TMEM74: variants seen among roughly 807,000 people sequenced by gnomAD.
TMEM74 encodes transmembrane protein 74.
TMEM74 carries 13 observed loss-of-function variants against 18.1 expected under a neutral mutation model. The observed-to-expected ratio is 0.72, with a 90% CI of 0.47 to 1.14. The LOEUF is 1.14. Among genes scored for constraint, TMEM74 ranks in the 50% most tolerant of loss-of-function variants. The probability of loss-of-function intolerance (pLI) is 0.00; values close to 1 mark genes in which losing one functional copy is unlikely to be tolerated. For missense variants in TMEM74, 372 were observed against 375.9 expected, an observed-to-expected ratio of 0.99 and a Z score of 0.09; for synonymous variants, 159 against 146.6, an observed-to-expected ratio of 1.08 and a Z score of -0.61.
intron 1 of TMEM74, among the ~76,000 whole-genome samples, chr8:108,760,973 A>AGTGTGTGTGT (rs60213902): frequency 2.0e-4 from 30 of 148,982 alleles, no homozygotes; most frequent in Middle Eastern, 3.5e-3. Flanking sequence ...GTGGTTTTGG[A>AGTGTGTGTGT]GTGTGTGTGT....
intron 2 of TMEM74, among the ~76,000 whole-genome samples, chr8:108,639,968 G>A (rs1364333586): frequency 6.6e-6 from 1 of 151,834 alleles, no homozygotes; most frequent in African/African-American, 2.4e-5. Flanking sequence ...TTATTATCAG[G>A]CAAACATCTT....
rs371779509 is a variant in TMEM74 at position 108,786,226 on chromosome 8, T to A, written c.-39-1089A>T. On this transcript the variant is annotated intron_variant, in intron 1 of 1. Coordinates refer to ENST00000297459, the MANE Select transcript of TMEM74 (RefSeq NM_153015.3). ...AAACATGTCACTCCTCACCCCCGAC[T>A]GCAGCAAGGGGCATTTCTGGGAGAG... 7.2e-5 allele frequency among the ~76,000 whole-genome samples: 11 copies of A among 152,338 alleles called. No homozygotes were observed. The East Asian group carries it at 1.5e-3, about 21-fold the overall frequency.
intron 1 of TMEM74, among the ~76,000 whole-genome samples, chr8:108,691,452 T>C (rs922238178): frequency 6.6e-6 from 1 of 152,190 alleles, no homozygotes; most frequent in African/African-American, 2.4e-5. Context: ...AGCATTCCCA[T>C]AGAGTTGAAA....
At chr8:108,635,353 T>G (rs1812596875) in intron 2 of TMEM74, among the ~76,000 whole-genome samples, 1 of 151,984 alleles carries the variant, frequency 6.6e-6, no homozygotes, top group Admixed American at 6.6e-5. Flanking sequence ...GACTGCTGCC[T>G]CTGGTCTTTT....
intron 2 of TMEM74, among the ~76,000 whole-genome samples, chr8:108,614,337 C>T (rs886853121): frequency 6.6e-6 from 1 of 152,002 alleles, no homozygotes; most frequent in Non-Finnish European, 1.5e-5. Flanking sequence ...CCCTTAGTTC[C>T]AATACCCCTG....
intron 1 of TMEM74, among the ~76,000 whole-genome samples, chr8:108,719,883 A>C (rs1813569042): frequency 6.6e-6 from 1 of 152,174 alleles, no homozygotes; most frequent in African/African-American, 2.4e-5. Flanking sequence ...TTATATGTGT[A>C]AACACTGTTT....
At chr8:108,703,089 C>A (rs1376330043) in intron 1 of TMEM74, among the ~76,000 whole-genome samples, 1 of 152,096 alleles carries the variant, frequency 6.6e-6, no homozygotes, top group Non-Finnish European at 1.5e-5. Context: ...AGGCTTCATT[C>A]CTCATGTACA....
chr8:108,614,438 G>GGGA (rs1812364165), intron 2 of TMEM74, among the ~76,000 whole-genome samples: 1 of 152,068 alleles, frequency 6.6e-6, no homozygotes, highest in Admixed American at 6.5e-5. Flanking sequence ...GAGGCTAAAA[G>GGGA]GGAATAGAAA....
chr8:108,697,439 A>C (rs1211851743), intron 1 of TMEM74, among the ~76,000 whole-genome samples: 1 of 152,144 alleles, frequency 6.6e-6, no homozygotes, highest in Non-Finnish European at 1.5e-5. Flanking sequence ...GTTTTTGGAG[A>C]CAGGGTCTCG....
At chr8:108,617,744 T>C (rs1488719328) in intron 2 of TMEM74, among the ~76,000 whole-genome samples, 6 of 151,938 alleles carry the variant, frequency 3.9e-5, no homozygotes, top group Admixed American at 3.9e-4. Context: ...GGGAATCAAG[T>C]CCTCAGAGAA....
intron 1 of TMEM74, among the ~76,000 whole-genome samples, chr8:108,748,276 A>G (rs1161217290): frequency 5.9e-5 from 9 of 152,172 alleles, no homozygotes; most frequent in Non-Finnish European, 1.3e-4. Flanking sequence ...ATGAGACGGT[A>G]TCTCACTGTG....
At chr8:108,759,641 T>C (rs984547225) in intron 1 of TMEM74, among the ~76,000 whole-genome samples, 3 of 152,118 alleles carry the variant, frequency 2.0e-5, no homozygotes, top group Non-Finnish European at 4.4e-5. Flanking sequence ...TGTACACAGA[T>C]GTGGTCTCAT....
rs530242403 is a variant in TMEM74 at position 108,657,810 on chromosome 8, T to C, written n.120-2373A>G. Among the ~76,000 whole-genome samples, 343 of 127,168 alleles carry C rather than the reference T, an allele frequency of 2.7e-3. 1 individual carries two copies. The highest frequency in any genetic ancestry group is 0.024 in the Middle Eastern group (4 of 168). 83.4% of individuals were successfully genotyped at this position (127,168 alleles called of 152,430 possible). ...GTGAGCTGAGATCGTGCCACTGCAC[T>C]GTAGCCTGGGTGACAGAGTGAGACA... On this transcript the variant is annotated intron_variant and non_coding_transcript_variant, in intron 1 of 3. Coordinates refer to the TMEM74 transcript ENST00000518838.
intron 2 of TMEM74, among the ~76,000 whole-genome samples, chr8:108,619,844 T>G (rs1812421940): frequency 6.6e-6 from 1 of 152,190 alleles, no homozygotes; most frequent in Non-Finnish European, 1.5e-5. Context: ...ATTTCGAAGA[T>G]TCATATAATG....
chr8:108,774,458 G>A (rs562345917), downstream of TMEM74, among the ~76,000 whole-genome samples: 1 of 152,324 alleles, frequency 6.6e-6, no homozygotes, highest in Admixed American at 6.5e-5. Flanking sequence ...CAGGCTGCTG[G>A]AGGATTTATG....
chr8:108,738,122 A>T (rs1284611682), intron 1 of TMEM74, among the ~76,000 whole-genome samples: 1 of 151,990 alleles, frequency 6.6e-6, no homozygotes, highest in Non-Finnish European at 1.5e-5. Flanking sequence ...TCAGCCCACC[A>T]TTCTTTTCAA....
intron 2 of TMEM74, among the ~76,000 whole-genome samples, chr8:108,624,249 G>A (rs1266007072): frequency 6.6e-6 from 1 of 152,104 alleles, no homozygotes; most frequent in African/African-American, 2.4e-5. Context: ...GCTTTAAAGT[G>A]TTAACCTGGC....
chr8:108,724,746 T>C (rs934045072), intron 1 of TMEM74, among the ~76,000 whole-genome samples: 3 of 152,140 alleles, frequency 2.0e-5, no homozygotes, highest in Non-Finnish European at 2.9e-5. Flanking sequence ...AAAGTGCACT[T>C]TCATGGTATA....
intron 1 of TMEM74, among the ~76,000 whole-genome samples, chr8:108,663,677 C>T (rs959360892): frequency 6.6e-6 from 1 of 152,118 alleles, no homozygotes; most frequent in Non-Finnish European, 1.5e-5. Flanking sequence ...CATTGCAGCA[C>T]TATTCACAAT....
Sources: gnomAD v4.1 joint callset for allele counts (sites outside exome capture counted in the v4.1 genomes callset) on GRCh38, gnomAD v4.1.1 for gene constraint, MANE v1.5 for transcripts, NCBI Gene and HGNC (gene_info 2026-07-23, HGNC 2026-07-21) for gene names.